The following KCNMA1 variants were observed in gnomAD, a reference collection of about 807,000 sequenced individuals.
The protein encoded by KCNMA1 is potassium calcium-activated channel subfamily M alpha 1, also known as Calcium-activated potassium channel subunit alpha-1.
KCNMA1 carries 29 observed loss-of-function variants against 140.0 expected under a neutral mutation model. The ratio of observed to expected loss-of-function variants is 0.21; its 90% CI spans 0.15 to 0.28. KCNMA1 has a LOEUF of 0.28. KCNMA1 is among the 10% of genes least tolerant of loss of function. The pLI, the probability that KCNMA1 is intolerant of heterozygous loss-of-function variation, is 1.00. For synonymous variants in KCNMA1, 612 were observed against 611.9 expected, an observed-to-expected ratio of 1.00 and a Z score of 0.00; for missense variants, 880 against 1,602.2, an observed-to-expected ratio of 0.55 and a Z score of 7.70.
In KCNMA1 at chr10:77,284,338, A is replaced by G. The variant is rs111644076; in HGVS notation, c.541-33082T>C. On this transcript the variant is annotated intron_variant, in intron 2 of 27. Coordinates refer to ENST00000286628, the MANE Select transcript of KCNMA1 (RefSeq NM_001161352.2). ...CCCTGGGAGAGTAGAGTAAAATTCA[A>G]TTGAACAGAGGTTGAGACAGCCTAT... Among the ~76,000 whole-genome samples the G allele has an allele frequency of 7.6e-4, 116 of 152,288 alleles. 1 individual carries two copies. The highest frequency in any genetic ancestry group is 2.6e-3 in the African/African-American group (108 of 41,564).
At chr10:77,308,196 TGAACTATCTA>T (rs2078296821) in intron 2 of KCNMA1, among the ~76,000 whole-genome samples, 1 of 152,118 alleles carries the variant, frequency 6.6e-6, no homozygotes, top group African/African-American at 2.4e-5. Flanking sequence ...GGCTCAGCAC[TGAACTATCTA>T]GAGTTGCCCT....
At chr10:77,136,135 T>C (rs763863273) in intron 5 of KCNMA1, among the ~76,000 whole-genome samples, 1 of 152,194 alleles carries the variant, frequency 6.6e-6, no homozygotes, top group Non-Finnish European at 1.5e-5. Context: ...ATCAAAGTAA[T>C]TCCATTTCTG....
At chr10:77,133,297 T>C (rs1382829650) in intron 5 of KCNMA1, among the ~76,000 whole-genome samples, 2 of 151,564 alleles carry the variant, frequency 1.3e-5, no homozygotes, top group Non-Finnish European at 2.9e-5. Context: ...CATAATAAAA[T>C]TAAATTAAAA....
At chr10:76,930,729 T>C (rs1317180338) in intron 23 of KCNMA1, among the ~76,000 whole-genome samples, 1 of 152,046 alleles carries the variant, frequency 6.6e-6, no homozygotes, top group Non-Finnish European at 1.5e-5. Context: ...CTGGTGTCCA[T>C]TGACAGATGA....
intron 1 of KCNMA1, among the ~76,000 whole-genome samples, chr10:77,425,288 G>A (rs1039595889): frequency 6.6e-6 from 1 of 152,104 alleles, no homozygotes; most frequent in Non-Finnish European, 1.5e-5. Context: ...TTTCTCTTTT[G>A]GGGGAAGTTT....
intron 1 of KCNMA1, among the ~76,000 whole-genome samples, chr10:77,460,238 C>T (rs1236494232): frequency 6.6e-6 from 1 of 152,178 alleles, no homozygotes; most frequent in East Asian, 1.9e-4. Flanking sequence ...GCTCTCCCAC[C>T]TCTCAGATTC....
chr10:76,959,680 A>G (rs923002818), intron 20 of KCNMA1, among the ~76,000 whole-genome samples: 1 of 152,202 alleles, frequency 6.6e-6, no homozygotes, highest in Non-Finnish European at 1.5e-5. Context: ...GTTCAATAAT[A>G]AAGATATAGA....
At chr10:76,908,812 C>T (rs969135405) in intron 25 of KCNMA1, among the ~76,000 whole-genome samples, 1 of 152,146 alleles carries the variant, frequency 6.6e-6, no homozygotes, top group Admixed American at 6.5e-5. Flanking sequence ...TTGAGAACTC[C>T]AAAATGAAGA....
chr10:77,263,815 C>T (rs1565582155), intron 2 of KCNMA1, among the ~76,000 whole-genome samples: 1 of 152,076 alleles, frequency 6.6e-6, no homozygotes, highest in Non-Finnish European at 1.5e-5. Flanking sequence ...TCTGCAGAAT[C>T]GAATCTGACC....
intron 5 of KCNMA1, among the ~76,000 whole-genome samples, chr10:77,161,125 T>C (rs2098549550): frequency 6.6e-6 from 1 of 152,222 alleles, no homozygotes; most frequent in South Asian, 2.1e-4. Context: ...ATGACAGCCT[T>C]CAAGGACAGA....
intron 1 of KCNMA1, among the ~76,000 whole-genome samples, chr10:77,528,293 C>A (rs1027368548): frequency 1.3e-4 from 20 of 152,126 alleles, no homozygotes; most frequent in African/African-American, 4.3e-4. Flanking sequence ...ATCTAGCAAT[C>A]CCATTCCTAG....
At chr10:77,107,837 G>T (rs375781443) in intron 9 of KCNMA1, among the ~76,000 whole-genome samples, 5 of 152,280 alleles carry the variant, frequency 3.3e-5, no homozygotes, top group Admixed American at 3.3e-4. Context: ...CCCAGTGGCC[G>T]CAGTGCCTTT....
chr10:77,599,526 T>A (rs994795045), intron 1 of KCNMA1, among the ~76,000 whole-genome samples: 5 of 152,202 alleles, frequency 3.3e-5, no homozygotes, highest in Non-Finnish European at 5.9e-5. Flanking sequence ...GGCGTTCTTG[T>A]CTTCTTTTTA....
At chr10:77,313,307 G>A (rs893625064) in intron 2 of KCNMA1, among the ~76,000 whole-genome samples, 3 of 152,118 alleles carry the variant, frequency 2.0e-5, no homozygotes, top group Non-Finnish European at 2.9e-5. Context: ...AGCGGTCTGC[G>A]GAAGAAAGGA....
At chr10:77,219,126 C>T (rs2048746542) in intron 3 of KCNMA1, among the ~76,000 whole-genome samples, 1 of 152,332 alleles carries the variant, frequency 6.6e-6, no homozygotes, top group Non-Finnish European at 1.5e-5. Context: ...AGAATCAGCA[C>T]AGCAGCCATG....
At chr10:77,558,533 T>C (rs560264699) in intron 1 of KCNMA1, among the ~76,000 whole-genome samples, 1 of 152,256 alleles carries the variant, frequency 6.6e-6, no homozygotes, top group East Asian at 1.9e-4. Context: ...CCACAGCTTC[T>C]GGATGGTTCC....
intron 2 of KCNMA1, among the ~76,000 whole-genome samples, chr10:77,387,678 C>T (rs35782): frequency 0.34 from 51,631 of 149,720 alleles, 9,333 homozygotes; most frequent in Admixed American, 0.44. Flanking sequence ...AGTCCAGTAG[C>T]GTGATCTCGG....
At chr10:77,329,429 T>C (rs1191157515) in intron 2 of KCNMA1, among the ~76,000 whole-genome samples, 1 of 152,172 alleles carries the variant, frequency 6.6e-6, no homozygotes, top group Non-Finnish European at 1.5e-5. Context: ...AGGGCCCTCT[T>C]GTTTCTTCTG....
intron 14 of KCNMA1, among the ~76,000 whole-genome samples, chr10:77,068,077 C>A (rs747237307): frequency 1.5e-4 from 23 of 152,176 alleles, no homozygotes; most frequent in Admixed American, 9.2e-4. Context: ...TGGGTTTGAA[C>A]ACCTGAGTTT....
Sources: gnomAD v4.1 joint callset for allele counts (sites outside exome capture counted in the v4.1 genomes callset) on GRCh38, gnomAD v4.1.1 for gene constraint, MANE v1.5 for transcripts, NCBI Gene and HGNC (gene_info 2026-07-23, HGNC 2026-07-21) for gene names.